EPHB1: variants seen among roughly 807,000 people sequenced by gnomAD.
EPHB1 encodes EPH receptor B1.
Under a neutral mutation model 94.4 loss-of-function variants are expected in EPHB1, and 30 were observed. That is an observed-to-expected ratio of 0.32 (90% CI 0.24 to 0.43). The LOEUF (loss-of-function observed/expected upper bound fraction) is 0.43. EPHB1 is among the 20% of genes least tolerant of loss of function. EPHB1 has a pLI of 1.00. For missense variants in EPHB1, 1,055 were observed against 1,308.3 expected, an observed-to-expected ratio of 0.81 and a Z score of 2.99; for synonymous variants, 522 against 489.1, an observed-to-expected ratio of 1.07 and a Z score of -0.89.
intron 3 of EPHB1, among the ~76,000 whole-genome samples, chr3:135,099,955 G>A (rs1315878675): frequency 6.6e-6 from 1 of 152,164 alleles, no homozygotes; most frequent in African/African-American, 2.4e-5. Context: ...TGCCCCATGA[G>A]GCAGGCTGAC....
intron 3 of EPHB1, among the ~76,000 whole-genome samples, chr3:135,084,837 A>C (rs1938292998): frequency 6.6e-6 from 1 of 152,238 alleles, no homozygotes; most frequent in African/African-American, 2.4e-5. Flanking sequence ...GATGTTTGAT[A>C]GGCCCAGATA....
intron 1 of EPHB1, among the ~76,000 whole-genome samples, chr3:134,921,211 A>G (rs2038679185): frequency 6.6e-6 from 1 of 152,026 alleles, no homozygotes; most frequent in African/African-American, 2.4e-5. Flanking sequence ...CTTCATTCCC[A>G]TCAGCTGGTT....
intron 7 of EPHB1, among the ~76,000 whole-genome samples, chr3:135,163,629 C>A (rs1018629838): frequency 6.6e-6 from 1 of 152,172 alleles, no homozygotes; most frequent in Non-Finnish European, 1.5e-5. Flanking sequence ...TCAGGACGTA[C>A]ACAGGATTAA....
intron 3 of EPHB1, among the ~76,000 whole-genome samples, chr3:134,995,706 T>C (rs1467853376): frequency 1.3e-5 from 2 of 150,732 alleles, no homozygotes; most frequent in Admixed American, 6.6e-5. Context: ...GAATATAAAA[T>C]GGTACAACCA....
chr3:135,062,369 T>C (rs545096747), intron 3 of EPHB1, among the ~76,000 whole-genome samples: 1 of 152,368 alleles, frequency 6.6e-6, no homozygotes, highest in African/African-American at 2.4e-5. Flanking sequence ...TTTTAATTTT[T>C]TGATTATGGC....
chr3:135,005,560 G>A (rs1358351142), intron 3 of EPHB1, among the ~76,000 whole-genome samples: 2 of 152,132 alleles, frequency 1.3e-5, no homozygotes, highest in Non-Finnish European at 2.9e-5. Context: ...CCCCAGCCTC[G>A]CTGCTGCCTT....
chr3:134,914,576 G>A (rs79007837), intron 1 of EPHB1, among the ~76,000 whole-genome samples: 2,507 of 152,268 alleles, frequency 0.016, 61 homozygotes, highest in African/African-American at 0.057. Context: ...ACTCTGGGGG[G>A]AGGGTTGTTG....
chr3:134,840,840 A>G (rs1001832781), intron 1 of EPHB1, among the ~76,000 whole-genome samples: 2 of 152,118 alleles, frequency 1.3e-5, no homozygotes, highest in African/African-American at 4.8e-5. Context: ...CCTCCCTTTA[A>G]GAGTTTCCTG....
intron 3 of EPHB1, among the ~76,000 whole-genome samples, chr3:135,031,830 A>G (rs554799391): frequency 1.3e-5 from 2 of 152,110 alleles, no homozygotes; most frequent in East Asian, 1.9e-4. Context: ...TGAAAATACA[A>G]TTATCCTACC....
intron 13 of EPHB1, among the ~76,000 whole-genome samples, chr3:135,242,464 AT>A (rs1469041591): frequency 6.6e-6 from 1 of 152,170 alleles, no homozygotes; most frequent in African/African-American, 2.4e-5. Context: ...TGCTCGGAAG[AT>A]TGAGAAAGGT....
At chr3:134,909,585 C>T (rs956059456) in intron 1 of EPHB1, among the ~76,000 whole-genome samples, 1 of 152,200 alleles carries the variant, frequency 6.6e-6, no homozygotes, top group Non-Finnish European at 1.5e-5. Context: ...CCATCATGTC[C>T]AAGCTGAAAG....
Position 135,185,202 on chromosome 3 carries a change from G to T in EPHB1, c.1882+5220G>T, listed in dbSNP as rs577889779. On this transcript the variant is annotated intron_variant, in intron 10 of 15. Coordinates refer to ENST00000398015, the MANE Select transcript of EPHB1 (RefSeq NM_004441.5). ...GAAAGGGCTGTGTGAGAATAGTTGGGATGAGGGAATGTGTGATATGTGTGG... is the reference window on the plus strand; with the variant it reads ...GAAAGGGCTGTGTGAGAATAGTTGGTATGAGGGAATGTGTGATATGTGTGG... 2.0e-5 allele frequency among the ~76,000 whole-genome samples: 3 copies of T among 152,362 alleles called. No individual in the cohort carries two copies. The South Asian group carries it at 6.2e-4, about 32-fold the overall frequency.
intron 3 of EPHB1, among the ~76,000 whole-genome samples, chr3:135,003,624 T>G (rs1935271274): frequency 6.6e-6 from 1 of 152,180 alleles, no homozygotes; most frequent in African/African-American, 2.4e-5. Context: ...CAGGACTTGC[T>G]TTATGAATCT....
intron 3 of EPHB1, among the ~76,000 whole-genome samples, chr3:135,022,125 G>A (rs967447385): frequency 6.6e-6 from 1 of 152,020 alleles, no homozygotes; most frequent in Non-Finnish European, 1.5e-5. Context: ...GACTACAGGC[G>A]CCCGCCACCA....
intron 12 of EPHB1, among the ~76,000 whole-genome samples, chr3:135,207,745 T>TTTA (rs1942936716): frequency 6.6e-6 from 1 of 152,210 alleles, no homozygotes; most frequent in Non-Finnish European, 1.5e-5. Context: ...ACAGCGGTCA[T>TTTA]TTATTTCTTG....
chr3:135,018,002 AG>A (rs900107167), intron 3 of EPHB1, among the ~76,000 whole-genome samples: 3 of 151,948 alleles, frequency 2.0e-5, no homozygotes, highest in East Asian at 1.9e-4. Flanking sequence ...CTGGACTGTG[AG>A]GGGGGGCATG....
At chr3:134,819,040 G>A (rs971057416) in intron 1 of EPHB1, among the ~76,000 whole-genome samples, 1 of 152,176 alleles carries the variant, frequency 6.6e-6, no homozygotes. Context: ...TAATGCAAAG[G>A]TTAGTAGCCA....
At chr3:135,169,572 A>G (rs1361261094) in intron 9 of EPHB1, among the ~76,000 whole-genome samples, 1 of 152,186 alleles carries the variant, frequency 6.6e-6, no homozygotes, top group Admixed American at 6.5e-5. Flanking sequence ...TTGGAGAATC[A>G]TGGTCAAAGG....
chr3:135,236,107 T>C, intron 12 of EPHB1, among the ~76,000 whole-genome samples: 1 of 152,158 alleles, frequency 6.6e-6, no homozygotes, highest in South Asian at 2.1e-4. Flanking sequence ...TAAACAGAAA[T>C]TTATTCTATC....
Sources: gnomAD v4.1 joint callset for allele counts (sites outside exome capture counted in the v4.1 genomes callset) on GRCh38, gnomAD v4.1.1 for gene constraint, MANE v1.5 for transcripts, NCBI Gene and HGNC (gene_info 2026-07-23, HGNC 2026-07-21) for gene names.